The following YTHDF2 variants were observed in gnomAD, a reference collection of about 807,000 sequenced individuals.
YTHDF2 encodes YTH N6-methyladenosine RNA binding protein F2.
YTHDF2 carries 2 observed loss-of-function variants against 50.4 expected under a neutral mutation model. The observed-to-expected ratio is 0.04, with a 90% CI of 0.02 to 0.12. The LOEUF (loss-of-function observed/expected upper bound fraction) is 0.12. Ranked by LOEUF, YTHDF2 falls within the 10% of genes least tolerant of loss-of-function variation. The pLI is 1.00. For missense variants in YTHDF2, 483 were observed against 722.6 expected, an observed-to-expected ratio of 0.67 and a Z score of 3.80; for synonymous variants, 217 against 255.6, an observed-to-expected ratio of 0.85 and a Z score of 1.44.
chr1:28,754,407 G>A (rs2124190709), intron 4 of YTHDF2, among the ~76,000 whole-genome samples: 1 of 152,288 alleles, frequency 6.6e-6, no homozygotes, highest in East Asian at 1.9e-4. Flanking sequence ...ACGGGCGCCT[G>A]TAGTCCCAGC....
rs2087805029 is a variant in YTHDF2, at chr1:28,743,110, C to T, written c.840C>T (p.Asn280=). 2.5e-6 allele frequency: 4 copies of T among 1,614,166 alleles called. No homozygotes were observed. The highest frequency in any genetic ancestry group is 1.3e-5 in the African/African-American group (1 of 75,042). The change falls in exon 4 of 5, where the codon AAC becomes AAT. Residue 280 remains asparagine, a synonymous_variant. Coordinates refer to ENST00000373812, the MANE Select transcript of YTHDF2 (RefSeq NM_016258.3). This position sits in a 1 kb window ranked among gnomAD's most constrained non-coding sequence, Gnocchi z 6.9. ...KHNMDIGTWD[N]KGPVAKAPSQ... ...ACATGGATATTGGAACTTGGGATAA[C>T]AAGGGTCCCGTTGCAAAAGCCCCCT...
rs1212007060 is a variant in YTHDF2, at chr1:28,737,160, C to T, written c.27+13C>T. 7 of 1,585,584 alleles carry T rather than the reference C, an allele frequency of 4.4e-6. No individual in the cohort carries two copies. The highest frequency in any genetic ancestry group is 2.7e-5 in the African/African-American group (2 of 72,886). ...CCTCTTGGAGCAGGTACAGGCCCGG[C>T]CCGCATGCCTCGGCCATTGTGTGAG... On this transcript the variant is annotated intron_variant, in intron 1 of 4. Transcript: ENST00000373812.
rs1321846039 is a variant in YTHDF2, at chr1:28,737,199, C to T, written c.27+52C>T. ...CCATTGTGTGAGGCGAGAAGGAGCC[C>T]GACTAGGCCCGGGCCCGCCGCTCCT... is the stretch of plus-strand genomic sequence containing the variant. On this transcript the variant is annotated intron_variant, in intron 1 of 4. Coordinates refer to ENST00000373812, the MANE Select transcript of YTHDF2 (RefSeq NM_016258.3). The T allele has an allele frequency of 2.6e-6, 4 of 1,515,506 alleles. No homozygotes were observed. In the African/African-American group the frequency reaches 5.7e-5, roughly 22 times the overall value. 93.9% of individuals were successfully genotyped at this position (1,515,506 alleles called of 1,614,324 possible).
chr1:28,761,343 G>T (rs1036645665), intron 4 of YTHDF2, among the ~76,000 whole-genome samples: 3 of 152,044 alleles, frequency 2.0e-5, no homozygotes, highest in Non-Finnish European at 2.9e-5. Context: ...TCACTGTGTT[G>T]CCCAGGCTGT....
intron 4 of YTHDF2, among the ~76,000 whole-genome samples, chr1:28,763,596 C>CA (rs2088166508): frequency 6.6e-6 from 1 of 152,124 alleles, no homozygotes; most frequent in Non-Finnish European, 1.5e-5. Flanking sequence ...GCTGGGACTA[C>CA]AGGTGTGTGC....
chr1:28,766,653 TCTC>T (rs1164529073), intron 4 of YTHDF2, among the ~76,000 whole-genome samples: 1 of 152,066 alleles, frequency 6.6e-6, no homozygotes, highest in Non-Finnish European at 1.5e-5. Context: ...CATCAAACTG[TCTC>T]CTTTTAATTC....
chr1:28,739,378 A>C (rs1275805619), intron 3 of YTHDF2, among the ~76,000 whole-genome samples: 1 of 149,158 alleles, frequency 6.7e-6, no homozygotes, highest in Non-Finnish European at 1.5e-5. Flanking sequence ...GCAGTGGTGC[A>C]ATCTCGGCTC....
At chr1:28,763,375 A>G (rs777157959) in intron 4 of YTHDF2, among the ~76,000 whole-genome samples, 3 of 149,842 alleles carry the variant, frequency 2.0e-5, no homozygotes, top group Non-Finnish European at 4.5e-5. Context: ...CTGGGTTCAA[A>G]CAATTCTCCT....
Position 28,742,657 on chromosome 1 carries a change from T to A in YTHDF2, c.387T>A (p.Ile129=). The stretch of plus-strand genomic sequence containing the variant: ...GTTTTAATTTCTTTCCCAGTGGGAT[T>A]GACTTCTCAGCATGGGGAAATAACA... ...QHGFNFFPSG[I]DFSAWGNNSS... is the part of the protein sequence containing the mutation. The change falls in exon 4 of 5, where the codon ATT becomes ATA. Residue 129 remains isoleucine (I), a synonymous_variant. Coordinates refer to ENST00000373812, the MANE Select transcript of YTHDF2 (RefSeq NM_016258.3). 1 of 1,614,166 alleles carries A rather than the reference T, an allele frequency of 6.2e-7. No individual in the cohort carries two copies.
At position 28,769,659 on chromosome 1, in the gene YTHDF2, T is replaced by C. The variant is rs533811724; in HGVS notation, c.*707T>C. 1 of 152,788 alleles carries C rather than the reference T, an allele frequency of 6.5e-6. No individual in the cohort carries two copies. Among genetic ancestry groups the C allele is most frequent in the East Asian group, 1.9e-4 (1 of 5,188 alleles). The allele number at this position is 152,788 out of a possible 1,614,324, so 9.5% of individuals were successfully genotyped here. ...AATGCATTTTGGAAGAGAAAAATAC[T>C]GTAAAACGTGTCGTGAATGTTTCTT... On this transcript the variant is annotated 3_prime_UTR_variant, in exon 5 of 5. Transcript: ENST00000373812.
chr1:28,745,097 G>A (rs965928026), intron 4 of YTHDF2, among the ~76,000 whole-genome samples: 2 of 152,184 alleles, frequency 1.3e-5, no homozygotes, highest in African/African-American at 2.4e-5. Context: ...AGTCTAACAA[G>A]CAATGTTTTC....
rs56916547 is a variant in YTHDF2, at chr1:28,751,090, C to CAAAAAAA, written c.1716+7118_1716+7124dup. Among the ~76,000 whole-genome samples the CAAAAAAA allele has an allele frequency of 1.3e-3, 45 of 33,756 alleles. 8 individuals are homozygous for CAAAAAAA. Among genetic ancestry groups the CAAAAAAA allele is most frequent in the African/African-American group, 6.0e-3 (38 of 6,348 alleles). 22.1% of individuals were successfully genotyped at this position (33,756 alleles called of 152,430 possible). A position where few individuals can be genotyped will look rare whatever the true frequency, so the allele number is the denominator to read the frequency against. ...CCTTTGTGACAGAGCGAGACTGTCT[C>CAAAAAAA]AAAAAAAAAAAAAAAAAAAAGGCTG... On this transcript the variant is annotated intron_variant, in intron 4 of 4. Coordinates refer to ENST00000373812, the MANE Select transcript of YTHDF2 (RefSeq NM_016258.3).
chr1:28,740,379 A>G (rs2087757709), intron 3 of YTHDF2: 1 of 152,210 alleles, frequency 6.6e-6, no homozygotes, highest in South Asian at 2.1e-4. Context: ...TATTAAGTGC[A>G]TTTGATTTTT....
rs565176663 is a variant in YTHDF2 at position 28,746,942 on chromosome 1, C to T, written c.1716+2956C>T. ...ACTAAAAAATACAAAATTAGCTGGGCGTGATGGTGCATGCCTGTAATCCCA... is the reference window on the plus strand; with the variant it reads ...ACTAAAAAATACAAAATTAGCTGGGTGTGATGGTGCATGCCTGTAATCCCA... On this transcript the variant is annotated intron_variant, in intron 4 of 4. Transcript: ENST00000373812. 1.0e-3 allele frequency among the ~76,000 whole-genome samples: 147 copies of T among 146,412 alleles called. 2 individuals carry two copies. The highest frequency in any genetic ancestry group is 3.5e-3 in the African/African-American group (138 of 39,502).
intron 3 of YTHDF2, among the ~76,000 whole-genome samples, chr1:28,740,778 A>G (rs1042488284): frequency 1.8e-4 from 27 of 149,934 alleles, no homozygotes; most frequent in African/African-American, 6.4e-4. Flanking sequence ...ATCTCGGCTC[A>G]CTGCAACCTT....
intron 4 of YTHDF2, among the ~76,000 whole-genome samples, chr1:28,745,694 G>A (rs1213761132): frequency 7.0e-6 from 1 of 142,336 alleles, no homozygotes; most frequent in African/African-American, 2.6e-5. Flanking sequence ...TCTAGCCTGG[G>A]CAACAAGAGC....
At position 28,749,489 on chromosome 1, in the gene YTHDF2, C is replaced by T. The variant is rs2087916188; in HGVS notation, c.1716+5503C>T. On this transcript the variant is annotated intron_variant, in intron 4 of 4. Transcript: ENST00000373812. ...GCCACCACCACACCCAGCCGTGTTTCTCTTTTGACTCAACTTTGGAATAGT... is the reference window on the plus strand; with the variant it reads ...GCCACCACCACACCCAGCCGTGTTTTTCTTTTGACTCAACTTTGGAATAGT... 2.6e-5 allele frequency among the ~76,000 whole-genome samples: 4 copies of T among 152,080 alleles called. 1 individual carries two copies. The South Asian group carries it at 6.2e-4, about 24-fold the overall frequency.
chr1:28,761,430 G>T (rs1210185161), intron 4 of YTHDF2, among the ~76,000 whole-genome samples: 1 of 151,962 alleles, frequency 6.6e-6, no homozygotes, highest in Non-Finnish European at 1.5e-5. Context: ...GAGCCACCAT[G>T]CCTGGCCTAA....
intron 4 of YTHDF2, among the ~76,000 whole-genome samples, chr1:28,755,566 C>T (rs514037): frequency 0.62 from 94,808 of 151,970 alleles, 31,030 homozygotes; most frequent in African/African-American, 0.8. Context: ...AATTCTGCAG[C>T]GTGGTTCTAG....
Sources: gnomAD v4.1 joint callset for allele counts (sites outside exome capture counted in the v4.1 genomes callset) on GRCh38, gnomAD v4.1.1 for gene constraint, Gnocchi (gnomAD v3.1) non-coding constraint, MANE v1.5 for transcripts, NCBI Gene and HGNC (gene_info 2026-07-23, HGNC 2026-07-21) for gene names.